LMOD3: variants seen among roughly 807,000 people sequenced by gnomAD.
The protein encoded by LMOD3 is leiomodin-3.
Under a neutral mutation model 41.8 loss-of-function variants are expected in LMOD3, and 31 were observed. The ratio of observed to expected loss-of-function variants is 0.74; its 90% confidence interval spans 0.56 to 1.00. LMOD3 has a LOEUF of 1.00. Among genes scored for constraint, LMOD3 ranks in the 50% least tolerant of loss-of-function variants. The pLI is 0.00. For missense variants in LMOD3, 755 were observed against 679.5 expected (o/e 1.11, Z -1.23); for synonymous variants, 292 against 241.9 (o/e 1.21, Z -1.92).
intron 2 of LMOD3, among the ~76,000 whole-genome samples, chr3:69,110,853 A>AAAAT (rs1458630453): frequency 3.3e-4 from 34 of 104,110 alleles, no homozygotes; most frequent in Admixed American, 6.6e-4. Flanking sequence ...AAAAAAAAAA[A>AAAAT]ATATATATAT....
In LMOD3 at chr3:69,119,492, C is replaced by A. The variant is rs542967164; in HGVS notation, c.863G>T (p.Ser288Ile). The A allele has an allele frequency of 6.2e-7, 1 of 1,613,976 alleles. No individual in the cohort carries two copies. Among genetic ancestry groups the A allele is most frequent in the East Asian group, 2.2e-5 (1 of 44,882 alleles). The change falls in exon 2 of 3, where the codon AGT becomes ATT. Residue 288 changes from serine to isoleucine, a missense_variant. Physicochemically the swap from Ser to Ile is moderately radical, Grantham distance 142 (BLOSUM62 -2). Transcript: ENST00000420581. ...CTCATCTGCACCCACATTGGCTAAA[C>A]TGAATGTTTTGATGTGCTTGTTTTT... ...MKKNKHIKTF[S>I]LANVGADENV... is the part of the protein sequence containing the mutation.
At chr3:69,116,582 A>G (rs539226127) in intron 2 of LMOD3, among the ~76,000 whole-genome samples, 6 of 152,172 alleles carry the variant, frequency 3.9e-5, no homozygotes, top group Admixed American at 6.5e-5. Context: ...TATTCTTGCA[A>G]TTATCATCAT....
At chr3:69,110,296 C>G (rs1202220156) in intron 2 of LMOD3, among the ~76,000 whole-genome samples, 1 of 151,848 alleles carries the variant, frequency 6.6e-6, no homozygotes, top group Non-Finnish European at 1.5e-5. Flanking sequence ...GTGGCATGAT[C>G]CCGGCTCAAG....
intron 2 of LMOD3, among the ~76,000 whole-genome samples, chr3:69,110,656 A>G (rs898565099): frequency 1.4e-5 from 2 of 147,784 alleles, no homozygotes; most frequent in African/African-American, 4.9e-5. Flanking sequence ...AAGCCTGGCC[A>G]ACAGGGTGAA....
At position 69,119,530 on chromosome 3, in the gene LMOD3, G is replaced by A; in HGVS notation, c.825C>T (p.Val275=). Residue 275 remains valine, a synonymous_variant, in exon 2 of 3, where the codon GTC becomes GTT. Transcript: ENST00000420581. ...TGTGCTTGTTTTTCTTCATTGCATT[G>A]ACAAAGTCCAGTAACATTTCTTTGG... The part of the protein sequence containing the change: ...NIPKEMLLDF[V]NAMKKNKHIK... The A allele has an allele frequency of 1.2e-6, 2 of 1,613,848 alleles. No individual in the cohort carries two copies. The highest frequency in any genetic ancestry group is 1.7e-6 in the Non-Finnish European group (2 of 1,179,868).
chr3:69,119,238 T>C lies in LMOD3; in HGVS notation c.1117A>G (p.Met373Val), dbSNP rs759525181. Residue 373 changes from methionine (M) to valine (V), a missense_variant, in exon 2 of 3, where the codon ATG becomes GTG. Coordinates refer to ENST00000420581, the MANE Select transcript of LMOD3 (RefSeq NM_198271.5). ...CCCGGAAGCTCAAAATGGTAGCCCA[T>C]CTTCAGGAGAGTGTTGTTTGCCTTC... ...LLKANNTLLK[M>V]GYHFELPGPR... The C allele has an allele frequency of 7.1e-5, 115 of 1,613,286 alleles. No homozygotes were observed. The highest frequency in any genetic ancestry group is 8.7e-5 in the Non-Finnish European group (103 of 1,179,774).
chr3:69,118,272 A>C (rs1025543805), intron 2 of LMOD3, among the ~76,000 whole-genome samples: 3 of 152,214 alleles, frequency 2.0e-5, no homozygotes, highest in Admixed American at 2.0e-4. Flanking sequence ...CTCTAGACTC[A>C]GAACCGGGTT....
chr3:69,111,605 TCTCA>T (rs1443336529), intron 2 of LMOD3, among the ~76,000 whole-genome samples: 2 of 152,238 alleles, frequency 1.3e-5, no homozygotes, highest in Admixed American at 1.3e-4. Flanking sequence ...GAGATGAGGA[TCTCA>T]CTGTCACCCA....
At chr3:69,111,044 C>T (rs2092347962) in intron 2 of LMOD3, among the ~76,000 whole-genome samples, 1 of 151,756 alleles carries the variant, frequency 6.6e-6, no homozygotes, top group Non-Finnish European at 1.5e-5. Flanking sequence ...TCAACTCATC[C>T]ATCATGTATG....
intron 2 of LMOD3, among the ~76,000 whole-genome samples, chr3:69,115,521 A>C (rs1196516164): frequency 1.4e-5 from 2 of 143,034 alleles, no homozygotes; most frequent in East Asian, 2.6e-4. Flanking sequence ...CACACACAAA[A>C]CTTTTCTAAG....
At chr3:69,120,200 T>G in intron 1 of LMOD3, 140 bp from the exon 2 acceptor site, 1 of 932,982 alleles carries the variant, frequency 1.1e-6, no homozygotes, top group Non-Finnish European at 1.5e-6. Context: ...AATAGCTGAT[T>G]GCTAAAAATG....
intron 2 of LMOD3, among the ~76,000 whole-genome samples, chr3:69,112,360 G>A (rs1223129796): frequency 6.6e-6 from 1 of 152,234 alleles, no homozygotes; most frequent in Non-Finnish European, 1.5e-5. Flanking sequence ...CTCAGTGGAT[G>A]TCCAGGACAG....
intron 1 of LMOD3, 33 bp from the exon 2 acceptor site, chr3:69,120,093 TAGC>T: frequency 6.5e-7 from 1 of 1,541,486 alleles, no homozygotes; most frequent in South Asian, 1.3e-5. Context: ...TTAGAATACA[TAGC>T]AGAGAAGAAA....
At chr3:69,110,853 A>AAAATATATATATATATATAT (rs1458630453) in intron 2 of LMOD3, among the ~76,000 whole-genome samples, 1 of 104,166 alleles carries the variant, frequency 9.6e-6, no homozygotes, top group African/African-American at 4.8e-5. Flanking sequence ...AAAAAAAAAA[A>AAAATATATATATATATATAT]ATATATATAT....
At chr3:69,109,934 C>T (rs1043326661) in intron 2 of LMOD3, among the ~76,000 whole-genome samples, 9 of 152,120 alleles carry the variant, frequency 5.9e-5, no homozygotes, top group African/African-American at 2.2e-4. Context: ...TAGGAAGTGG[C>T]AGAGCAGGAT....
At position 69,122,406 on chromosome 3, in the gene LMOD3, T is replaced by C. The variant is rs766751168; in HGVS notation, c.-20A>G. 6 of 1,474,944 alleles carry C rather than the reference T, an allele frequency of 4.1e-6. No homozygotes were observed. The highest frequency in any genetic ancestry group is 9.2e-7 in the Non-Finnish European group (1 of 1,092,480). The allele number at this position is 1,474,944 out of a possible 1,614,324, so 91.4% of individuals were successfully genotyped here. A position where few individuals can be genotyped will look rare whatever the true frequency, so the allele number is the denominator to read the frequency against. On this transcript the variant is annotated 5_prime_UTR_variant, in exon 1 of 3. Transcript: ENST00000420581. ...TGACATTATTTTTTCTAAATATTAT[T>C]TTACTAGAAAAGAAGAATAATCAAA...
intron 2 of LMOD3, among the ~76,000 whole-genome samples, chr3:69,113,654 G>C (rs2092359179): frequency 6.6e-6 from 1 of 152,316 alleles, no homozygotes; most frequent in Non-Finnish European, 1.5e-5. Flanking sequence ...ATATACATGA[G>C]TAAGCCTGAA....
rs763335722 is a variant in LMOD3, at chr3:69,119,123, T to C, written c.1232A>G (p.Lys411Arg). The change falls in exon 2 of 3, where the codon AAG becomes AGG. Residue 411 changes from lysine to arginine, a missense_variant. Lys to Arg is a conservative substitution (Grantham distance 26). Coordinates refer to ENST00000420581, the MANE Select transcript of LMOD3 (RefSeq NM_198271.5). ...RQEEQKQQQL[K>R]EQKKLIAMLE... ...CATGGCTATCAGCTTCTTCTGTTCC[T>C]TGAGTTGCTGCTGTTTTTGCTCTTC... 11 of 1,613,906 alleles carry C rather than the reference T, an allele frequency of 6.8e-6. No homozygotes were observed. The East Asian group carries it at 2.5e-4, about 36-fold the overall frequency.
In LMOD3 at chr3:69,119,502, T is replaced by G; in HGVS notation, c.853A>C (p.Lys285Gln). 6.2e-7 allele frequency: 1 copy of G among 1,614,044 alleles called. No homozygotes were observed. The highest frequency in any genetic ancestry group is 8.5e-7 in the Non-Finnish European group (1 of 1,179,886). The change falls in exon 2 of 3, where the codon AAA (lysine) becomes CAA (glutamine). Residue 285 changes from lysine to glutamine, a missense_variant. By Grantham distance (53) the Lys-to-Gln change is moderately conservative. Coordinates refer to ENST00000420581, the MANE Select transcript of LMOD3 (RefSeq NM_198271.5). ...CCCACATTGGCTAAACTGAATGTTT[T>G]GATGTGCTTGTTTTTCTTCATTGCA... ...VNAMKKNKHI[K>Q]TFSLANVGAD...
Sources: gnomAD v4.1 joint callset for allele counts (sites outside exome capture counted in the v4.1 genomes callset) on GRCh38, gnomAD v4.1.1 for gene constraint, MANE v1.5 for transcripts, NCBI Gene and HGNC (gene_info 2026-07-23, HGNC 2026-07-21) for gene names.